Variants in CHRM3 observed in about 807,000 individuals in gnomAD.
CHRM3 encodes the protein muscarinic acetylcholine receptor M3.
CHRM3 carries 11 observed loss-of-function variants against 41.8 expected under a neutral mutation model. The observed-to-expected ratio is 0.26, with a 90% CI of 0.17 to 0.44. CHRM3 has a LOEUF of 0.44. CHRM3 is among the 20% of genes least tolerant of loss of function. The pLI is 1.00. For missense variants in CHRM3, 571 were observed against 745.4 expected (o/e 0.77, Z 2.72); for synonymous variants, 297 against 301.4 (o/e 0.99, Z 0.15).
intron 1 of CHRM3, among the ~76,000 whole-genome samples, chr1:239,422,308 C>A (rs1453725308): frequency 6.6e-6 from 1 of 152,110 alleles, no homozygotes; most frequent in Non-Finnish European, 1.5e-5. Context: ...GTCATTAAAT[C>A]CTGAAAGTAG....
At chr1:239,730,154 C>T (rs1268520527) in intron 5 of CHRM3, among the ~76,000 whole-genome samples, 1 of 151,910 alleles carries the variant, frequency 6.6e-6, no homozygotes, top group African/African-American at 2.4e-5. Flanking sequence ...AATTTAAAAA[C>T]TGTATAGTTG....
chr1:239,499,457 T>C (rs926141137), intron 2 of CHRM3, among the ~76,000 whole-genome samples: 3 of 152,196 alleles, frequency 2.0e-5, no homozygotes, highest in African/African-American at 7.2e-5. Flanking sequence ...TAAGCAAGAT[T>C]ACAAGAAGTA....
At chr1:239,684,128 C>A (rs189041086) in intron 5 of CHRM3, among the ~76,000 whole-genome samples, 1 of 152,238 alleles carries the variant, frequency 6.6e-6, no homozygotes, top group East Asian at 1.9e-4. Context: ...CAGAATAAAA[C>A]CATGGGTGGT....
chr1:239,419,282 A>C (rs1040834397), intron 1 of CHRM3, among the ~76,000 whole-genome samples: 10 of 151,832 alleles, frequency 6.6e-5, no homozygotes, highest in African/African-American at 2.4e-4. Context: ...ATCTGACTTT[A>C]GATGTCCAGC....
intron 5 of CHRM3, among the ~76,000 whole-genome samples, chr1:239,754,165 T>C (rs1420156806): frequency 1.3e-5 from 2 of 152,230 alleles, no homozygotes; most frequent in Non-Finnish European, 2.9e-5. Context: ...AACAGAGACT[T>C]ATATGCAAAC....
chr1:239,454,936 A>C (rs576292773), intron 1 of CHRM3, among the ~76,000 whole-genome samples: 2 of 152,296 alleles, frequency 1.3e-5, no homozygotes, highest in African/African-American at 4.8e-5. Flanking sequence ...CCAGTTGTAT[A>C]GAAGTATAGC....
chr1:239,838,039 T>C (rs1459922480), intron 6 of CHRM3, among the ~76,000 whole-genome samples: 1 of 152,116 alleles, frequency 6.6e-6, no homozygotes, highest in African/African-American at 2.4e-5. Context: ...CTTCAAAATA[T>C]AAGGCTCAGA....
At chr1:239,504,019 G>A (rs974861535) in intron 2 of CHRM3, among the ~76,000 whole-genome samples, 1 of 152,078 alleles carries the variant, frequency 6.6e-6, no homozygotes, top group African/African-American at 2.4e-5. Flanking sequence ...AGGATTTTAT[G>A]GCCAAGAACC....
At chr1:239,499,221 G>A (rs1004744155) in intron 2 of CHRM3, among the ~76,000 whole-genome samples, 17 of 152,196 alleles carry the variant, frequency 1.1e-4, no homozygotes, top group African/African-American at 2.4e-4. Flanking sequence ...GAGATCATTC[G>A]GTGCTATTTC....
At chr1:239,583,396 A>G (rs1663085974) in intron 3 of CHRM3, among the ~76,000 whole-genome samples, 1 of 152,234 alleles carries the variant, frequency 6.6e-6, no homozygotes, top group Non-Finnish European at 1.5e-5. Context: ...CATTCAAGAA[A>G]TAGGAAATGT....
intron 3 of CHRM3, among the ~76,000 whole-genome samples, chr1:239,615,818 G>A (rs1424641157): frequency 6.6e-6 from 1 of 152,104 alleles, no homozygotes; most frequent in African/African-American, 2.4e-5. Flanking sequence ...CACTGAATGC[G>A]GCGGGTGTTT....
At chr1:239,478,529 A>G (rs990211843) in intron 1 of CHRM3, among the ~76,000 whole-genome samples, 2 of 152,226 alleles carry the variant, frequency 1.3e-5, no homozygotes, top group Non-Finnish European at 2.9e-5. Context: ...AAGGTAGACA[A>G]TGTGAATCAA....
In CHRM3 at chr1:239,908,890, G is replaced by A; in HGVS notation, c.1439G>A (p.Arg480Lys). ...AGAAGTCAGATCACTAAGCGGAAAAGGATGTCCCTGGTCAAGGAGAAGAAA... is the reference window on the plus strand; with the variant it reads ...AGAAGTCAGATCACTAAGCGGAAAAAGATGTCCCTGGTCAAGGAGAAGAAA... Reference protein sequence around the residue: ...KTRSQITKRKRMSLVKEKKAA... With the variant: ...KTRSQITKRKKMSLVKEKKAA... The change falls in exon 7 of 7, where the codon AGG (arginine) becomes AAG (lysine). Residue 480 changes from arginine (R) to lysine (K), a missense_variant. Physicochemically the swap from Arg to Lys is conservative, Grantham distance 26. Transcript: ENST00000676153. The surrounding 1 kb of genome is among the most constrained non-coding windows in gnomAD (Gnocchi z 7.2). The A allele has an allele frequency of 6.2e-7, 1 of 1,614,108 alleles. No individual in the cohort carries two copies. Among genetic ancestry groups the A allele is most frequent in the Non-Finnish European group, 8.5e-7 (1 of 1,180,030 alleles).
intron 6 of CHRM3, among the ~76,000 whole-genome samples, chr1:239,895,840 G>C (rs1572623678): frequency 6.6e-6 from 1 of 152,056 alleles, no homozygotes; most frequent in African/African-American, 2.4e-5. Context: ...TGGGTGGAGG[G>C]AAAGGATTGA....
At chr1:239,680,612 T>C (rs73109180) in intron 5 of CHRM3, among the ~76,000 whole-genome samples, 6,087 of 152,136 alleles carry the variant, frequency 0.04, 265 homozygotes, top group East Asian at 0.11. Context: ...GCTACCAAAG[T>C]GTGTTAAATG....
intron 5 of CHRM3, among the ~76,000 whole-genome samples, chr1:239,689,734 C>T (rs1210636051): frequency 6.6e-6 from 1 of 152,098 alleles, no homozygotes; most frequent in African/African-American, 2.4e-5. Context: ...AACGGAAAAG[C>T]CTGTGCCTTT....
intron 1 of CHRM3, among the ~76,000 whole-genome samples, chr1:239,484,192 C>G (rs546154794): frequency 6.6e-6 from 1 of 152,142 alleles, no homozygotes; most frequent in African/African-American, 2.4e-5. Context: ...AAGCATGGCA[C>G]CACCATCTGC....
intron 6 of CHRM3, among the ~76,000 whole-genome samples, chr1:239,866,799 A>G (rs1432636955): frequency 6.6e-6 from 1 of 152,218 alleles, no homozygotes; most frequent in Non-Finnish European, 1.5e-5. Flanking sequence ...AAAATTGCCT[A>G]TAAAAGTAGT....
chr1:239,576,325 T>C (rs1179277872), intron 3 of CHRM3, among the ~76,000 whole-genome samples: 3 of 151,940 alleles, frequency 2.0e-5, no homozygotes, highest in Non-Finnish European at 4.4e-5. Flanking sequence ...GAAATTATAG[T>C]GGTTATAGAA....
Sources: gnomAD v4.1 joint callset for allele counts (sites outside exome capture counted in the v4.1 genomes callset) on GRCh38, gnomAD v4.1.1 for gene constraint, Gnocchi (gnomAD v3.1) non-coding constraint, MANE v1.5 for transcripts, NCBI Gene and HGNC (gene_info 2026-07-23, HGNC 2026-07-21) for gene names.